Variants in SAMD12 observed in about 807,000 individuals in gnomAD.
SAMD12 encodes the protein sterile alpha motif domain-containing protein 12.
SAMD12 carries 9 observed loss-of-function variants against 15.0 expected under a neutral mutation model. The ratio of observed to expected loss-of-function variants is 0.60; its 90% confidence interval spans 0.36 to 1.05. The LOEUF (loss-of-function observed/expected upper bound fraction) is 1.05. Ranked by LOEUF, SAMD12 falls within the 50% of genes least tolerant of loss-of-function variation. SAMD12 has a pLI of 0.01. For missense variants in SAMD12, 230 were observed against 234.2 expected, an observed-to-expected ratio of 0.98 and a Z score of 0.12; for synonymous variants, 86 against 90.1, an observed-to-expected ratio of 0.96 and a Z score of 0.25.
chr8:118,430,420 T>C (rs1487240005), intron 3 of SAMD12, among the ~76,000 whole-genome samples: 1 of 151,368 alleles, frequency 6.6e-6, no homozygotes, highest in Non-Finnish European at 1.5e-5. Flanking sequence ...TGGAGGGCAG[T>C]GGCATGATCT....
At chr8:118,259,727 C>T (rs1362452288) in intron 4 of SAMD12, among the ~76,000 whole-genome samples, 1 of 151,994 alleles carries the variant, frequency 6.6e-6, no homozygotes, top group Non-Finnish European at 1.5e-5. Flanking sequence ...TTTTACTGTA[C>T]TAGGAGAGCT....
chr8:118,469,743 A>C (rs942661327), intron 2 of SAMD12, among the ~76,000 whole-genome samples: 1 of 148,536 alleles, frequency 6.7e-6, no homozygotes, highest in Non-Finnish European at 1.5e-5. Context: ...TTGTATTTTT[A>C]GTAGAGACAG....
chr8:118,595,523 A>AG (rs1036002542), intron 1 of SAMD12, among the ~76,000 whole-genome samples: 6 of 152,224 alleles, frequency 3.9e-5, no homozygotes, highest in African/African-American at 1.4e-4. Flanking sequence ...ATCAGGGAGA[A>AG]GGGAAAAAAA....
At chr8:118,197,782 C>A in intron 4 of SAMD12, 1 of 1,515,214 alleles carries the variant, frequency 6.6e-7, no homozygotes, top group South Asian at 1.1e-5. Context: ...CTTTATGTTT[C>A]CAGGCACTGA....
intron 3 of SAMD12, among the ~76,000 whole-genome samples, chr8:118,387,760 A>T (rs561718427): frequency 2.6e-4 from 40 of 152,320 alleles, no homozygotes; most frequent in African/African-American, 8.4e-4. Flanking sequence ...CAAAGGGAAC[A>T]GAACTCATGA....
chr8:118,497,334 G>A (rs867970431), intron 2 of SAMD12, among the ~76,000 whole-genome samples: 1 of 152,148 alleles, frequency 6.6e-6, no homozygotes, highest in Admixed American at 6.5e-5. Context: ...GCCAATCAAC[G>A]GTGGACTGGA....
chr8:118,245,097 C>T (rs763988016), intron 4 of SAMD12, among the ~76,000 whole-genome samples: 8 of 152,076 alleles, frequency 5.3e-5, no homozygotes, highest in Admixed American at 3.3e-4. Context: ...ACTTTCACAC[C>T]CATCTTATTT....
the SAMD12 span, among the ~76,000 whole-genome samples, chr8:118,154,625 G>T: frequency 2.6e-5 from 4 of 152,094 alleles, no homozygotes; most frequent in African/African-American, 9.7e-5. Context: ...GAGGTCCAGG[G>T]TGTTCTATAG....
intron 4 of SAMD12, among the ~76,000 whole-genome samples, chr8:118,370,464 G>A (rs906467501): frequency 2.6e-5 from 4 of 152,128 alleles, no homozygotes; most frequent in African/African-American, 9.7e-5. Context: ...AAATCATTCT[G>A]TTTTAAAGAC....
chr8:118,486,381 A>G (rs527311651), intron 2 of SAMD12, among the ~76,000 whole-genome samples: 3 of 151,528 alleles, frequency 2.0e-5, no homozygotes, highest in Non-Finnish European at 4.4e-5. Context: ...GCGCCACTGC[A>G]CTCCAGCCTG....
At chr8:118,571,505 G>A in intron 2 of SAMD12, among the ~76,000 whole-genome samples, 1 of 152,206 alleles carries the variant, frequency 6.6e-6, no homozygotes. Flanking sequence ...GAGCTTCACA[G>A]CAGCCCCTCC....
chr8:118,272,956 T>C (rs1444375112), intron 4 of SAMD12, among the ~76,000 whole-genome samples: 4 of 152,194 alleles, frequency 2.6e-5, no homozygotes, highest in Non-Finnish European at 5.9e-5. Flanking sequence ...TCTGAGTCCT[T>C]CAAATTGATC....
At chr8:118,165,019 T>C in the SAMD12 span, among the ~76,000 whole-genome samples, 1 of 148,246 alleles carries the variant, frequency 6.7e-6, no homozygotes, top group Non-Finnish European at 1.5e-5. Flanking sequence ...TTTCCATACA[T>C]TGATTCTCTG....
At position 118,322,882 on chromosome 8, in the gene SAMD12, A is replaced by T. The variant is rs78994590; in HGVS notation, c.433+56678T>A. Among the ~76,000 whole-genome samples, 6 of 152,034 alleles carry T rather than the reference A, an allele frequency of 3.9e-5. No individual in the cohort carries two copies. The South Asian group carries it at 6.2e-4, about 16-fold the overall frequency. On this transcript the variant is annotated intron_variant, in intron 4 of 4. Transcript: ENST00000409003. ...TTCATCATTTTTTAAATTAAAAAAA[A>T]TTTAAAAATATTTGTTGTGGCAGAG...
intron 4 of SAMD12, among the ~76,000 whole-genome samples, chr8:118,283,922 G>A (rs538708544): frequency 1.7e-4 from 26 of 152,138 alleles, no homozygotes; most frequent in African/African-American, 3.4e-4. Context: ...AATACTAAGC[G>A]TGGAGAAATA....
intron 4 of SAMD12, among the ~76,000 whole-genome samples, chr8:118,309,408 A>G (rs1905938): frequency 0.47 from 69,492 of 148,724 alleles, 17,886 homozygotes; most frequent in African/African-American, 0.74. Context: ...GTGTGTGTGT[A>G]TGTGTATTAT....
At chr8:118,564,189 C>T (rs1826784421) in intron 2 of SAMD12, among the ~76,000 whole-genome samples, 1 of 151,898 alleles carries the variant, frequency 6.6e-6, no homozygotes, top group South Asian at 2.1e-4. Context: ...CCCATCCCCC[C>T]CTCACCCCCC....
chr8:118,298,132 G>A (rs1000345893), intron 4 of SAMD12, among the ~76,000 whole-genome samples: 5 of 152,112 alleles, frequency 3.3e-5, no homozygotes, highest in African/African-American at 9.7e-5. Flanking sequence ...CTGAATGCAC[G>A]GCTCATAGGA....
rs67702658 is a variant in SAMD12 at position 118,366,881 on chromosome 8, TAATAAAATAA to T, written c.433+12669_433+12678del. On this transcript the variant is annotated intron_variant, in intron 4 of 4. Coordinates refer to the SAMD12 transcript ENST00000409003. Reference sequence around the variant, plus strand: ...TAAAATAAAATAAAATAAAATAAAATAATAAAATAAAATAAAATAAAATAAAATAAAATAA... The same window carrying T: ...TAAAATAAAATAAAATAAAATAAAATAATAAAATAAAATAAAATAAAATAA... 9.2e-4 allele frequency among the ~76,000 whole-genome samples: 48 copies of T among 52,334 alleles called. 3 individuals carry two copies. The highest frequency in any genetic ancestry group is 5.5e-3 in the East Asian group (13 of 2,366). 34.3% of individuals were successfully genotyped at this position (52,334 alleles called of 152,430 possible).
Sources: gnomAD v4.1 joint callset for allele counts (sites outside exome capture counted in the v4.1 genomes callset) on GRCh38, gnomAD v4.1.1 for gene constraint, MANE v1.5 for transcripts, NCBI Gene and HGNC (gene_info 2026-07-23, HGNC 2026-07-21) for gene names.